Variants in GAK observed in about 807,000 individuals in gnomAD.
GAK encodes the protein cyclin-G-associated kinase.
In GAK, 79 loss-of-function variants were observed where a neutral mutation model predicts 143.9. The observed-to-expected ratio is 0.55, with a 90% CI of 0.46 to 0.66. The LOEUF is 0.66. Among genes scored for constraint, GAK ranks in the 30% least tolerant of loss-of-function variants. The pLI, the probability that GAK is intolerant of heterozygous loss-of-function variation, is 0.00. For missense variants in GAK, 1,693 were observed against 1,779.7 expected, an observed-to-expected ratio of 0.95 and a Z score of 0.88; for synonymous variants, 881 against 765.5, an observed-to-expected ratio of 1.15 and a Z score of -2.49.
chr4:901,213 A>C (rs929656738), intron 5 of GAK, among the ~76,000 whole-genome samples: 5 of 152,190 alleles, frequency 3.3e-5, no homozygotes, highest in African/African-American at 1.2e-4. Context: ...GAGCCTGTGC[A>C]GTTAAGAACA....
intron 21 of GAK, 37 bp from the exon 22 acceptor site, chr4:866,571 G>C (rs769606160): frequency 6.3e-6 from 10 of 1,599,846 alleles, no homozygotes; most frequent in Admixed American, 1.7e-5. Context: ...GACTCAGCCC[G>C]GCTGCCTGAA....
chr4:868,604 T>C lies in GAK; in HGVS notation c.2330A>G (p.Asp777Gly). Reference sequence around the variant, plus strand: ...GCTGCTGCTTGGCGGTGAGTCAGAGTCTGTGGGTTCGGCTTCCGGGGACCC... The same window carrying C: ...GCTGCTGCTTGGCGGTGAGTCAGAGCCTGTGGGTTCGGCTTCCGGGGACCC... ...GAGSPEAEPT[D>G]SDSPPSSSAD... Residue 777 changes from aspartate to glycine, a missense_variant, in exon 20 of 28, where the codon GAC (aspartate) becomes GGC (glycine). Coordinates refer to ENST00000314167, the MANE Select transcript of GAK (RefSeq NM_005255.4). 1 of 1,598,070 alleles carries C rather than the reference T, an allele frequency of 6.3e-7. No homozygotes were observed. The highest frequency in any genetic ancestry group is 8.5e-7 in the Non-Finnish European group (1 of 1,172,838).
At chr4:888,781 A>T (rs777237467) in intron 11 of GAK, 66 bp downstream of exon 11, 1 of 1,540,106 alleles carries the variant, frequency 6.5e-7, no homozygotes, top group South Asian at 1.2e-5. Flanking sequence ...GCCAGGAAGC[A>T]AGGGCCGGGG....
intron 23 of GAK, among the ~76,000 whole-genome samples, chr4:861,452 A>G (rs1560292230): frequency 6.6e-6 from 1 of 152,190 alleles, no homozygotes; most frequent in Non-Finnish European, 1.5e-5. Flanking sequence ...TTAGATGGGC[A>G]TGGTGATGAG....
intron 5 of GAK, among the ~76,000 whole-genome samples, chr4:901,243 G>A (rs1279065637): frequency 2.0e-5 from 3 of 152,170 alleles, no homozygotes. Flanking sequence ...GGGTGCCCAC[G>A]GCTTAGGCAC....
rs1039601311 is a variant in GAK, at chr4:868,804, CG to C, written c.2249-120del. On this transcript the variant is annotated intron_variant, in intron 19 of 27. Coordinates refer to ENST00000314167, the MANE Select transcript of GAK (RefSeq NM_005255.4). ...CCAGCACCGTGGCAGGCCAGGCCAT[CG>C]GTAAAGCAGACCAATGACATGACGG... 3 of 1,020,036 alleles carry C rather than the reference CG, an allele frequency of 2.9e-6. No individual in the cohort carries two copies. The African/African-American group carries it at 4.8e-5, about 16-fold the overall frequency. The allele number at this position is 1,020,036 out of a possible 1,614,324, so 63.2% of individuals were successfully genotyped here.
chr4:881,975 G>A lies in GAK; in HGVS notation c.1593C>T (p.Thr531=), dbSNP rs749406695. Residue 531 remains threonine, a synonymous_variant, in exon 15 of 28, where the codon ACC becomes ACT. Coordinates refer to ENST00000314167, the MANE Select transcript of GAK (RefSeq NM_005255.4). ...TGAACATGTACACGGCGGCCTCCGC[G>A]GTGCTGAAGAGACGGCAGAAGCACA... ...SFLCFCRLFS[T]AEAAVYMFSM... 1.9e-5 allele frequency: 30 copies of A among 1,603,458 alleles called. No homozygotes were observed. The highest frequency in any genetic ancestry group is 4.5e-5 in the East Asian group (2 of 44,492).
At chr4:914,489 C>T (rs1216990203) in intron 1 of GAK, among the ~76,000 whole-genome samples, 4 of 108,280 alleles carry the variant, frequency 3.7e-5, no homozygotes, top group Admixed American at 8.8e-5. Context: ...CACACACAGC[C>T]CCAGCGTGCA....
chr4:883,594 A>G lies in GAK; in HGVS notation c.1256-131T>C. 2 of 1,028,698 alleles carry G rather than the reference A, an allele frequency of 1.9e-6. 1 individual carries two copies. The allele number at this position is 1,028,698 out of a possible 1,614,324, so 63.7% of individuals were successfully genotyped here. A position where few individuals can be genotyped will look rare whatever the true frequency, so the allele number is the denominator to read the frequency against. The stretch of plus-strand genomic sequence containing the variant: ...GGCAGCTCCACCAGCCACTGCCCAC[A>G]CAGCCGGCCCCCTCACCCTCCGTGG... On this transcript the variant is annotated intron_variant, in intron 12 of 27. Coordinates refer to ENST00000314167, the MANE Select transcript of GAK (RefSeq NM_005255.4).
intron 24 of GAK, among the ~76,000 whole-genome samples, chr4:857,691 C>T (rs1183877006): frequency 6.6e-6 from 1 of 152,226 alleles, no homozygotes; most frequent in East Asian, 1.9e-4. Flanking sequence ...CTCTTCCCAG[C>T]AGCCCCGGGA....
chr4:902,471 G>A (rs1176691367), intron 5 of GAK, among the ~76,000 whole-genome samples: 3 of 150,904 alleles, frequency 2.0e-5, no homozygotes, highest in Non-Finnish European at 4.4e-5. Flanking sequence ...CAGGCGTGGT[G>A]TGCGCCTGTG....
intron 5 of GAK, among the ~76,000 whole-genome samples, chr4:902,139 G>C (rs550808249): frequency 6.6e-6 from 1 of 151,792 alleles, no homozygotes; most frequent in East Asian, 1.9e-4. Context: ...TCGGGAGGCT[G>C]AGGTAGGAGA....
At chr4:885,021 CCG>C (rs1715999700) in intron 11 of GAK, among the ~76,000 whole-genome samples, 1 of 151,776 alleles carries the variant, frequency 6.6e-6, no homozygotes, top group African/African-American at 2.4e-5. Context: ...TGCGGGTCTT[CCG>C]TGCGTTCAAA....
At chr4:929,839 C>A (rs189439589) in intron 1 of GAK, among the ~76,000 whole-genome samples, 6 of 152,304 alleles carry the variant, frequency 3.9e-5, no homozygotes, top group Admixed American at 3.9e-4. Flanking sequence ...GACAGCAAAT[C>A]CTGGTCTATC....
rs569818434 is a variant in GAK, at chr4:899,102, G to A, written c.526-944C>T. On this transcript the variant is annotated intron_variant, in intron 5 of 27. Coordinates refer to ENST00000314167, the MANE Select transcript of GAK (RefSeq NM_005255.4). The stretch of plus-strand genomic sequence containing the variant: ...CCACACAACACCCATCTTAATGGCA[G>A]AGCCATGGCAAAACAGCTGCCAGCA... Among the ~76,000 whole-genome samples the A allele has an allele frequency of 2.0e-5, 3 of 152,310 alleles. No homozygotes were observed. The South Asian group carries it at 6.2e-4, about 32-fold the overall frequency.
chr4:862,160 G>C (rs1223935654), intron 23 of GAK, among the ~76,000 whole-genome samples: 2 of 151,432 alleles, frequency 1.3e-5, no homozygotes, highest in African/African-American at 2.4e-5. Flanking sequence ...GGCTGCACCC[G>C]CCAGACTCTC....
At chr4:914,898 CCCA>C (rs1722836799) in intron 1 of GAK, among the ~76,000 whole-genome samples, 1 of 140,332 alleles carries the variant, frequency 7.1e-6, no homozygotes. Context: ...CGTGCACGGC[CCCA>C]CACACACACA....
chr4:879,110 G>C (rs1413737662), intron 15 of GAK, among the ~76,000 whole-genome samples: 2 of 152,224 alleles, frequency 1.3e-5, no homozygotes, highest in African/African-American at 4.8e-5. Context: ...TAAGCCTCAA[G>C]GTCCAGGGAG....
chr4:866,609 G>A, intron 21 of GAK, 75 bp from the exon 22 acceptor site: 2 of 1,511,964 alleles, frequency 1.3e-6, no homozygotes, highest in South Asian at 1.2e-5. Context: ...CTGGAGTCAG[G>A]CCTGCCCAAG....
Sources: gnomAD v4.1 joint callset for allele counts (sites outside exome capture counted in the v4.1 genomes callset) on GRCh38, gnomAD v4.1.1 for gene constraint, MANE v1.5 for transcripts, NCBI Gene and HGNC (gene_info 2026-07-23, HGNC 2026-07-21) for gene names.